TBC1D9B: variants seen among roughly 807,000 people sequenced by gnomAD.
TBC1D9B encodes TBC1 domain family, member 9B (with GRAM domain).
Under a neutral mutation model 121.1 loss-of-function variants are expected in TBC1D9B, and 87 were observed. The ratio of observed to expected loss-of-function variants is 0.72; its 90% CI spans 0.60 to 0.86. The LOEUF (loss-of-function observed/expected upper bound fraction) is 0.86, where lower values mean the gene tolerates loss of function less well. TBC1D9B is among the 40% of genes least tolerant of loss of function. The pLI is 0.00. For missense variants in TBC1D9B, 1,540 were observed against 1,628.6 expected (o/e 0.95, Z 0.94); for synonymous variants, 668 against 670.1 (o/e 1.00, Z 0.05).
rs989776094 is a variant in TBC1D9B, at chr5:179,874,466, G to A, written c.2186+436C>T. Among the ~76,000 whole-genome samples the A allele has an allele frequency of 6.6e-6, 1 of 152,182 alleles. No individual in the cohort carries two copies. The highest frequency in any genetic ancestry group is 1.5e-5 in the Non-Finnish European group (1 of 68,014). On this transcript the variant is annotated intron_variant, in intron 12 of 20. Coordinates refer to ENST00000355235, the MANE Select transcript of TBC1D9B (RefSeq NM_015043.4). This position sits in a 1 kb window ranked among gnomAD's most constrained non-coding sequence, Gnocchi z 4.3. Reference sequence around the variant, plus strand: ...TAGTGGGACATCAGCTCATCCAGCTGTTCCAGCGGGCCCAGGGCAGGCCTG... The same window carrying A: ...TAGTGGGACATCAGCTCATCCAGCTATTCCAGCGGGCCCAGGGCAGGCCTG...
chr5:179,863,684 C>A lies in TBC1D9B; in HGVS notation c.3466G>T (p.Asp1156Tyr). Residue 1156 changes from aspartate to tyrosine, a missense_variant, in exon 21 of 21, where the codon GAC becomes TAC. Physicochemically the swap from Asp to Tyr is radical, Grantham distance 160 (BLOSUM62 -3). Coordinates refer to ENST00000355235, the MANE Select transcript of TBC1D9B (RefSeq NM_015043.4). The surrounding 1 kb of genome is among the most constrained non-coding windows in gnomAD (Gnocchi z 4.5). ...GCCTCCCCGCCCACCAGCACCGTGT[C>A]GTCTGCAAGGTCTTCACATTGCAGG... ...GSLQCEDLAD[D>Y]TVLVGGEACS... The A allele has an allele frequency of 6.2e-7, 1 of 1,613,690 alleles. No homozygotes were observed. Among genetic ancestry groups the A allele is most frequent in the South Asian group, 1.1e-5 (1 of 91,076 alleles).
In TBC1D9B at chr5:179,904,220, C is replaced by CTTTTTTT. The variant is rs550418299; in HGVS notation, c.229+475_229+481dup. Among the ~76,000 whole-genome samples the CTTTTTTT allele has an allele frequency of 1.2e-5, 1 of 80,898 alleles. No homozygotes were observed. The highest frequency in any genetic ancestry group is 2.3e-5 in the Non-Finnish European group (1 of 43,630). 53.1% of individuals were successfully genotyped at this position (80,898 alleles called of 152,430 possible). On this transcript the variant is annotated intron_variant, in intron 2 of 20. Transcript: ENST00000355235. The surrounding 1 kb of genome is among the most constrained non-coding windows in gnomAD (Gnocchi z 4.2). ...CTGTCCCCATGACCAGTGGAGCTGC[C>CTTTTTTT]TTTTTTTTTTTTTTTTTTTTTTGAG... is the stretch of plus-strand genomic sequence containing the variant.
Position 179,878,533 on chromosome 5 carries a change from C to A in TBC1D9B, c.1568-10G>T, listed in dbSNP as rs766686091. The A allele has an allele frequency of 6.3e-7, 1 of 1,588,934 alleles. No individual in the cohort carries two copies. Among genetic ancestry groups the A allele is most frequent in the Admixed American group, 1.8e-5 (1 of 56,384 alleles). Reference sequence around the variant, plus strand: ...ATCTCATTCCAGGCCCCTGGGGAGACACGGGTGCCAGCTGTCTCTGTCCTT... The same window carrying A: ...ATCTCATTCCAGGCCCCTGGGGAGAAACGGGTGCCAGCTGTCTCTGTCCTT... On this transcript the variant is annotated splice_polypyrimidine_tract_variant and intron_variant, in intron 9 of 20. Transcript: ENST00000355235.
intron 18 of TBC1D9B, 35 bp downstream of exon 18, chr5:179,867,743 G>A: frequency 2.5e-6 from 4 of 1,602,156 alleles, no homozygotes; most frequent in Non-Finnish European, 3.4e-6. Context: ...GCAGAGTGCT[G>A]GCTGGGCATG....
chr5:179,874,998 T>C lies in TBC1D9B; in HGVS notation c.2090A>G (p.Lys697Arg), dbSNP rs767565829. The C allele has an allele frequency of 3.7e-6, 6 of 1,613,968 alleles. No homozygotes were observed. Among genetic ancestry groups the C allele is most frequent in the Non-Finnish European group, 1.7e-6 (2 of 1,180,030 alleles). Residue 697 changes from lysine (K) to arginine (R), a missense_variant, in exon 12 of 21, where the codon AAG becomes AGG. Physicochemically the swap from Lys to Arg is conservative, Grantham distance 26 (BLOSUM62 2). Coordinates refer to ENST00000355235, the MANE Select transcript of TBC1D9B (RefSeq NM_015043.4). The surrounding 1 kb of genome is among the most constrained non-coding windows in gnomAD (Gnocchi z 4.3). Reference protein sequence around the residue: ...IVDCFFYEGIKVILQVALAVL... With the variant: ...IVDCFFYEGIRVILQVALAVL... ...GGCCAGGGCCACCTGCAGGATCACCTTGATGCCCTCATAGAAAAAGCAGTC... is the reference window on the plus strand; with the variant it reads ...GGCCAGGGCCACCTGCAGGATCACCCTGATGCCCTCATAGAAAAAGCAGTC...
intron 15 of TBC1D9B, among the ~76,000 whole-genome samples, chr5:179,871,156 G>A (rs1760184695): frequency 6.6e-6 from 1 of 152,160 alleles, no homozygotes; most frequent in Admixed American, 6.5e-5. Context: ...AGCCATGCCT[G>A]AAGCTGTGCA....
At chr5:179,872,277 C>T (rs901700823) in intron 14 of TBC1D9B, 2 of 157,584 alleles carry the variant, frequency 1.3e-5, no homozygotes, top group South Asian at 1.8e-4. Flanking sequence ...GACCCTGGTG[C>T]CAGCTCTGTG....
In TBC1D9B at chr5:179,879,726, G is replaced by A. The variant is rs760439963; in HGVS notation, c.1318C>T (p.Arg440Cys). The A allele has an allele frequency of 1.7e-5, 27 of 1,614,058 alleles. No homozygotes were observed. The highest frequency in any genetic ancestry group is 5.0e-5 in the Admixed American group (3 of 60,012). The change falls in exon 8 of 21, where the codon CGC becomes TGC. Residue 440 changes from arginine (R) to cysteine (C), a missense_variant. Transcript: ENST00000355235. ...GCCTCCTGCGCACAGAAGCTCTGGC[G>A]GCTGCTGAGGGGAGAGGCTGGGCTG... ...PASPASPLSS[R>C]QSFCAQEAPT... is the part of the protein sequence containing the mutation.
At chr5:179,895,062 T>G (rs1760981873) in intron 3 of TBC1D9B, among the ~76,000 whole-genome samples, 1 of 152,120 alleles carries the variant, frequency 6.6e-6, no homozygotes, top group Non-Finnish European at 1.5e-5. Context: ...GGTTTTGCCA[T>G]GTTGCCCAGG....
At chr5:179,871,618 C>A in intron 14 of TBC1D9B, 88 bp from the exon 15 acceptor site, 1 of 1,430,174 alleles carries the variant, frequency 7.0e-7, no homozygotes, top group South Asian at 1.2e-5. Context: ...CCTCGGCAGA[C>A]AAGGGCAAGG....
chr5:179,878,203 T>C (rs1760416834), intron 10 of TBC1D9B, 106 bp downstream of exon 10: 2 of 1,205,342 alleles, frequency 1.7e-6, no homozygotes, highest in South Asian at 1.5e-5. Context: ...GGCTCCTTCC[T>C]TGGGACACAA....
chr5:179,864,719 T>C (rs1422301284), intron 20 of TBC1D9B, among the ~76,000 whole-genome samples: 1 of 152,164 alleles, frequency 6.6e-6, no homozygotes, highest in Non-Finnish European at 1.5e-5. Context: ...AGTGGTCAGA[T>C]TGCAGGGTCC....
At position 179,907,892 on chromosome 5, in the gene TBC1D9B, G is replaced by C. The variant is rs896820799; in HGVS notation, c.-71C>G. Reference sequence around the variant, plus strand: ...CCGCCGCCGTCGGCGTCCCGGAGCGGAGCGTGCGGAGCGGAGCGTGCGGAG... The same window carrying C: ...CCGCCGCCGTCGGCGTCCCGGAGCGCAGCGTGCGGAGCGGAGCGTGCGGAG... On this transcript the variant is annotated 5_prime_UTR_variant, in exon 1 of 21. Transcript: ENST00000355235. The surrounding 1 kb of genome is among the most constrained non-coding windows in gnomAD (Gnocchi z 5.3). The C allele has an allele frequency of 4.6e-6, 4 of 874,046 alleles. No homozygotes were observed. The highest frequency in any genetic ancestry group is 5.4e-6 in the Non-Finnish European group (4 of 735,526). 54.1% of individuals were successfully genotyped at this position (874,046 alleles called of 1,614,324 possible). A position where few individuals can be genotyped will look rare whatever the true frequency, so the allele number is the denominator to read the frequency against.
rs973295014 is a variant in TBC1D9B at position 179,885,671 on chromosome 5, C to A, written c.1254+2432G>T. Among the ~76,000 whole-genome samples the A allele has an allele frequency of 6.6e-6, 1 of 152,072 alleles. No individual in the cohort carries two copies. The highest frequency in any genetic ancestry group is 1.5e-5 in the Non-Finnish European group (1 of 68,004). ...CAAAACCCGTGTACAGTGATCTGAA[C>A]ACTCACAGCACATTTCCATTGGCAC... On this transcript the variant is annotated intron_variant, in intron 7 of 20. Transcript: ENST00000355235. The surrounding 1 kb of genome is among the most constrained non-coding windows in gnomAD (Gnocchi z 4.5).
chr5:179,894,850 C>A (rs942584256), intron 3 of TBC1D9B, among the ~76,000 whole-genome samples: 5 of 152,184 alleles, frequency 3.3e-5, no homozygotes, highest in Non-Finnish European at 5.9e-5. Context: ...CTGTCATCAC[C>A]AGTTGTGAGC....
Position 179,867,440 on chromosome 5 carries a change from C to T in TBC1D9B, c.2863+338G>A. Reference sequence around the variant, plus strand: ...AGGGGGCGCCCCTGCCTTCCAGGGACTGACCTTGAGCCTCCCAGGGCAGGA... The same window carrying T: ...AGGGGGCGCCCCTGCCTTCCAGGGATTGACCTTGAGCCTCCCAGGGCAGGA... On this transcript the variant is annotated intron_variant, in intron 18 of 20. Transcript: ENST00000355235. 3 of 1,554,310 alleles carry T rather than the reference C, an allele frequency of 1.9e-6. No individual in the cohort carries two copies. In the South Asian group the frequency reaches 3.6e-5, roughly 18 times the overall value.
chr5:179,886,313 T>C (rs1303594356), intron 7 of TBC1D9B, among the ~76,000 whole-genome samples: 1 of 152,202 alleles, frequency 6.6e-6, no homozygotes, highest in Non-Finnish European at 1.5e-5. Flanking sequence ...GGGCCTAGAA[T>C]AGCAGCTGGC....
Position 179,867,815 on chromosome 5 carries a change from C to CT in TBC1D9B, c.2825dup (p.Ala943GlyfsTer26). 1 of 1,532,906 alleles carries CT rather than the reference C, an allele frequency of 6.5e-7. No homozygotes were observed. Among genetic ancestry groups the CT allele is most frequent in the East Asian group, 2.3e-5 (1 of 44,080 alleles). 95.0% of individuals were successfully genotyped at this position (1,532,906 alleles called of 1,614,324 possible). Reference sequence around the variant, plus strand: ...TGTCCTCTGTGAAATAATGGGCCGCCTCCAGGGCTGACTCGGCTTCCTCTG... The same window carrying CT: ...TGTCCTCTGTGAAATAATGGGCCGCCTTCCAGGGCTGACTCGGCTTCCTCTG... On this transcript the variant is annotated frameshift_variant, in exon 18 of 21. Transcript: ENST00000355235. LOFTEE classifies it high-confidence loss of function.
rs1760450903 is a variant in TBC1D9B, at chr5:179,879,091, C to CGTA, written c.1522_1523insTAC (p.Gly508delinsValArg). The CGTA allele has an allele frequency of 1.9e-6, 3 of 1,606,708 alleles. No individual in the cohort carries two copies. The highest frequency in any genetic ancestry group is 3.3e-5 in the Admixed American group (2 of 59,994). On this transcript the variant is annotated protein_altering_variant, in exon 9 of 21. Transcript: ENST00000355235. Reference sequence around the variant, plus strand: ...CTCTCCCCGGAGGCTCTCAGGGATACCCTTCAGGACCAGTGCCCGCGTCTT... The same window carrying CGTA: ...CTCTCCCCGGAGGCTCTCAGGGATACGTACCTTCAGGACCAGTGCCCGCGTCTT...
Sources: allele counts gnomAD v4.1 joint callset (sites outside exome capture counted in the v4.1 genomes callset), GRCh38; gene constraint gnomAD v4.1.1; non-coding constraint Gnocchi (gnomAD v3.1); transcripts MANE v1.5; gene names NCBI Gene and HGNC (gene_info 2026-07-23, HGNC 2026-07-21).